MINDY4B: variants seen among roughly 807,000 people sequenced by gnomAD.
MINDY4B encodes the protein MINDY family member 4B.
A neutral mutation model predicts 16.7 loss-of-function variants in MINDY4B; 25 were observed. The observed-to-expected ratio is 1.49, with a 90% CI of 1.09 to 2.09. The LOEUF is 2.09. MINDY4B is among the 30% of genes most tolerant of loss of function. MINDY4B has a pLI of 0.00. For missense variants in MINDY4B, 327 were observed against 168.4 expected (o/e 1.94, Z -5.21); for synonymous variants, 132 against 61.9 (o/e 2.13, Z -5.32).
At chr3:150,879,895 G>A (rs1576610155) in intron 10 of MINDY4B, among the ~76,000 whole-genome samples, 1 of 152,194 alleles carries the variant, frequency 6.6e-6, no homozygotes, top group African/African-American at 2.4e-5. Flanking sequence ...GTCAAGTATG[G>A]CCCATCTTTG....
At chr3:150,895,246 C>G (rs1711929917) in intron 3 of MINDY4B, among the ~76,000 whole-genome samples, 1 of 152,134 alleles carries the variant, frequency 6.6e-6, no homozygotes, top group African/African-American at 2.4e-5. Flanking sequence ...TGGGTTTTTA[C>G]CCATTCTCTT....
chr3:150,896,278 A>G (rs1711961866), intron 3 of MINDY4B, among the ~76,000 whole-genome samples: 1 of 147,010 alleles, frequency 6.8e-6, no homozygotes, highest in Non-Finnish European at 1.5e-5. Context: ...TTCACTTCTT[A>G]TATCCTTTTT....
intron 5 of MINDY4B, among the ~76,000 whole-genome samples, chr3:150,892,429 C>G (rs1400377012): frequency 6.6e-6 from 1 of 152,234 alleles, no homozygotes; most frequent in Non-Finnish European, 1.5e-5. Context: ...GGGAAACTGG[C>G]AGTTCACAAT....
At chr3:150,894,592 C>T (rs1711911204) in intron 3 of MINDY4B, among the ~76,000 whole-genome samples, 1 of 152,184 alleles carries the variant, frequency 6.6e-6, no homozygotes, top group Admixed American at 6.5e-5. Context: ...CTTGTAACCC[C>T]TGCCTCTCCC....
In MINDY4B at chr3:150,905,062, C is replaced by T. The variant is rs560192157; in HGVS notation, c.141G>A (p.Gln47=). ...HRLGTNNSTP[Q]NHEGNHTSAD... The stretch of plus-strand genomic sequence containing the variant: ...CACTGGCTTTGGGAAAAGTAATTAC[C>T]TGAGGAGTTGAATTATTGGTTCCCA... The change falls in exon 2 of 12, where the codon CAG becomes CAA. Residue 47 remains glutamine (Q), a splice_region_variant and synonymous_variant. Coordinates refer to ENST00000465419, the MANE Select transcript of MINDY4B (RefSeq NM_001351281.2). 2.5e-6 allele frequency: 1 copy of T among 398,460 alleles called. No individual in the cohort carries two copies. Among genetic ancestry groups the T allele is most frequent in the African/African-American group, 2.1e-5 (1 of 48,720 alleles). The allele number at this position is 398,460 out of a possible 1,614,324, so 24.7% of individuals were successfully genotyped here. A position where few individuals can be genotyped will look rare whatever the true frequency, so the allele number is the denominator to read the frequency against.
intron 4 of MINDY4B, 96 bp downstream of exon 4, chr3:150,894,089 TA>T (rs1475169832): frequency 3.6e-6 from 2 of 553,142 alleles, no homozygotes; most frequent in African/African-American, 1.9e-5. Context: ...CACATGATTA[TA>T]ATGAAGACAT....
chr3:150,875,148 G>A (rs1287101900), intron 10 of MINDY4B, among the ~76,000 whole-genome samples: 2 of 152,206 alleles, frequency 1.3e-5, no homozygotes, highest in Non-Finnish European at 2.9e-5. Flanking sequence ...CAGTGAAGAT[G>A]TACCATTGAA....
chr3:150,875,880 C>G (rs560520380), intron 10 of MINDY4B, among the ~76,000 whole-genome samples: 3 of 152,210 alleles, frequency 2.0e-5, no homozygotes, highest in South Asian at 4.1e-4. Context: ...AACAAAGCAC[C>G]TTCCAACTGA....
intron 1 of MINDY4B, 108 bp from the exon 2 acceptor site, chr3:150,905,197 A>G (rs971892831): frequency 7.5e-6 from 3 of 398,246 alleles, no homozygotes; most frequent in Non-Finnish European, 1.3e-5. Context: ...GTCCACGAAT[A>G]GTTATGCCTG....
chr3:150,871,656 C>G (rs1211326240), intron 11 of MINDY4B, among the ~76,000 whole-genome samples: 1 of 152,112 alleles, frequency 6.6e-6, no homozygotes, highest in East Asian at 1.9e-4. Context: ...CGAGACCAGC[C>G]TGGCCAGCAT....
intron 6 of MINDY4B, 86 bp from the exon 7 acceptor site, chr3:150,890,471 T>A (rs764215590): frequency 9.9e-5 from 50 of 504,812 alleles, no homozygotes; most frequent in Non-Finnish European, 1.5e-4. Context: ...TTACCACAAG[T>A]GGGTTTTTTG....
At position 150,873,240 on chromosome 3, in the gene MINDY4B, A is replaced by G; in HGVS notation, c.1187T>C (p.Leu396Pro). 1 of 703,290 alleles carries G rather than the reference A, an allele frequency of 1.4e-6. No homozygotes were observed. The highest frequency in any genetic ancestry group is 2.6e-6 in the Non-Finnish European group (1 of 384,932). 43.6% of individuals were successfully genotyped at this position (703,290 alleles called of 1,614,324 possible). The change falls in exon 11 of 12, where the codon CTG becomes CCG. Residue 396 changes from leucine to proline, a missense_variant. Physicochemically the swap from Leu to Pro is moderately conservative, Grantham distance 98 (BLOSUM62 -3). Coordinates refer to ENST00000465419, the MANE Select transcript of MINDY4B (RefSeq NM_001351281.2). ...TGAGGGTTGGCCACTGTAAAAGTAC[A>G]GATCAAAGAGACGTTCCATTTTCCA... Reference protein sequence around the residue: ...SDWKMERLFDLYFYSGQPSQK... With the variant: ...SDWKMERLFDPYFYSGQPSQK...
In MINDY4B at chr3:150,893,699, G is replaced by GTT. The variant is rs1295462686; in HGVS notation, c.430-285_430-284insAA. Among the ~76,000 whole-genome samples, 29 of 72,438 alleles carry GTT rather than the reference G, an allele frequency of 4.0e-4. 1 individual carries two copies. The highest frequency in any genetic ancestry group is 1.0e-3 in the African/African-American group (29 of 28,222). 47.5% of individuals were successfully genotyped at this position (72,438 alleles called of 152,430 possible). On this transcript the variant is annotated intron_variant, in intron 4 of 11. Coordinates refer to ENST00000465419, the MANE Select transcript of MINDY4B (RefSeq NM_001351281.2). ...CTGCTTCATAGTAGTTTTTTTTTGGGGGGGGGGGTGGGGTGCAGTCTTGCT... is the reference window on the plus strand; with the variant it reads ...CTGCTTCATAGTAGTTTTTTTTTGGGTTGGGGGGGGTGGGGTGCAGTCTTGCT...
intron 11 of MINDY4B, 41 bp downstream of exon 11, chr3:150,873,146 G>A: frequency 1.5e-6 from 1 of 683,074 alleles, no homozygotes; most frequent in African/African-American, 1.8e-5. Context: ...ATCTCTTTGA[G>A]CACATTAAAA....
rs1224062830 is a variant in MINDY4B at position 150,871,197 on chromosome 3, G to T, written c.1241-10C>A. 23 of 702,108 alleles carry T rather than the reference G, an allele frequency of 3.3e-5. No individual in the cohort carries two copies. The East Asian group carries it at 6.2e-4, about 19-fold the overall frequency. 43.5% of individuals were successfully genotyped at this position (702,108 alleles called of 1,614,324 possible). Reference sequence around the variant, plus strand: ...TGATGGGAGTGAGTATCTGAAGAAGGAATAGCCAGCATTTAGACCCAAGCC... The same window carrying T: ...TGATGGGAGTGAGTATCTGAAGAAGTAATAGCCAGCATTTAGACCCAAGCC... On this transcript the variant is annotated splice_polypyrimidine_tract_variant and intron_variant, in intron 11 of 11. Transcript: ENST00000465419.
intron 3 of MINDY4B, among the ~76,000 whole-genome samples, chr3:150,897,806 C>T (rs890894906): frequency 6.6e-6 from 1 of 152,198 alleles, no homozygotes; most frequent in Non-Finnish European, 1.5e-5. Flanking sequence ...CAAGGAGAGG[C>T]AGCGAACAGG....
At chr3:150,875,418 T>C (rs1401435069) in intron 10 of MINDY4B, among the ~76,000 whole-genome samples, 2 of 152,226 alleles carry the variant, frequency 1.3e-5, no homozygotes, top group Non-Finnish European at 2.9e-5. Context: ...ATGGACATTC[T>C]GGTCAGTTTT....
At chr3:150,886,104 T>G (rs917126970) in intron 7 of MINDY4B, among the ~76,000 whole-genome samples, 9 of 152,244 alleles carry the variant, frequency 5.9e-5, no homozygotes, top group Non-Finnish European at 1.2e-4. Flanking sequence ...GTTTCTTTTC[T>G]GCTTAGAATT....
chr3:150,886,211 C>T (rs1711618426), intron 7 of MINDY4B, among the ~76,000 whole-genome samples: 1 of 152,218 alleles, frequency 6.6e-6, no homozygotes, highest in South Asian at 2.1e-4. Context: ...TTGATGACAA[C>T]ACTCTACTTG....
Sources: gnomAD v4.1 joint callset for allele counts (sites outside exome capture counted in the v4.1 genomes callset) on GRCh38, gnomAD v4.1.1 for gene constraint, MANE v1.5 for transcripts, NCBI Gene and HGNC (gene_info 2026-07-23, HGNC 2026-07-21) for gene names.